Variants in UTP20 observed in about 807,000 individuals in gnomAD.
UTP20 encodes the protein small subunit processome component 20 homolog.
A neutral mutation model predicts 329.5 loss-of-function variants in UTP20; 164 were observed. The ratio of observed to expected loss-of-function variants is 0.50; its 90% CI spans 0.44 to 0.57. The LOEUF (loss-of-function observed/expected upper bound fraction) is 0.57. UTP20 is among the 20% of genes least tolerant of loss of function. The pLI, the probability that UTP20 is intolerant of heterozygous loss-of-function variation, is 0.00. For missense variants in UTP20, 3,055 were observed against 3,284.2 expected (o/e 0.93, Z 1.71); for synonymous variants, 1,151 against 1,159.3 (o/e 0.99, Z 0.14).
At chr12:101,353,770 G>C (rs994529629) in intron 40 of UTP20, among the ~76,000 whole-genome samples, 4 of 152,230 alleles carry the variant, frequency 2.6e-5, no homozygotes, top group Non-Finnish European at 4.4e-5. Flanking sequence ...TGACAAGATT[G>C]ATCTGTAAAA....
At chr12:101,354,570 C>CCCCAATTA (rs1374389977) in intron 40 of UTP20, among the ~76,000 whole-genome samples, 55 of 152,222 alleles carry the variant, frequency 3.6e-4, no homozygotes, top group African/African-American at 1.3e-3. Context: ...CCAGTGTGTT[C>CCCCAATTA]CCCAATTACC....
At position 101,365,513 on chromosome 12, in the gene UTP20, C is replaced by T. The variant is rs143153802; in HGVS notation, c.6013C>T (p.Arg2005Cys). 3.3e-4 allele frequency: 534 copies of T among 1,612,142 alleles called. 2 individuals are homozygous for T. In the African/African-American group the frequency reaches 5.3e-3, roughly 16 times the overall value. ...KLARKVHETLRRITVGLIVNQ... is the reference protein window; with the variant it reads ...KLARKVHETLCRITVGLIVNQ... ...GGCCCGGAAAGTTCATGAAACTTTACGCCGAATCACAGTGGGATTAATTGT... is the reference window on the plus strand; with the variant it reads ...GGCCCGGAAAGTTCATGAAACTTTATGCCGAATCACAGTGGGATTAATTGT... Residue 2005 changes from arginine to cysteine, a missense_variant, in exon 46 of 62, where the codon CGC becomes TGC. Coordinates refer to ENST00000261637, the MANE Select transcript of UTP20 (RefSeq NM_014503.3).
chr12:101,280,424 C>T lies in UTP20; in HGVS notation c.45+97C>T, dbSNP rs1871756633. On this transcript the variant is annotated intron_variant, in intron 1 of 61. Transcript: ENST00000261637. ...ACTCCAGGGGCCTCAGACTTCTGGG[C>T]CGAGTGTGTCACTTTCCTGGAGGCT... 2.1e-6 allele frequency: 3 copies of T among 1,436,352 alleles called. No individual in the cohort carries two copies. The African/African-American group carries it at 4.3e-5, about 20-fold the overall frequency. The allele number at this position is 1,436,352 out of a possible 1,614,324, so 89.0% of individuals were successfully genotyped here. A position where few individuals can be genotyped will look rare whatever the true frequency, so the allele number is the denominator to read the frequency against.
In UTP20 at chr12:101,372,930, G is replaced by A. The variant is rs1390863865; in HGVS notation, c.6845G>A (p.Arg2282Lys). ...ILDYPLGDKLRPNLEFMLAQL... is the reference protein window; with the variant it reads ...ILDYPLGDKLKPNLEFMLAQL... Reference sequence around the variant, plus strand: ...GACTATCCCCTGGGTGACAAATTGAGACCAAACTTGGAATTCATGCTCGCT... The same window carrying A: ...GACTATCCCCTGGGTGACAAATTGAAACCAAACTTGGAATTCATGCTCGCT... Residue 2282 changes from arginine to lysine, a missense_variant, in exon 52 of 62, where the codon AGA becomes AAA. By Grantham distance (26) the Arg-to-Lys change is conservative. Transcript: ENST00000261637. The A allele has an allele frequency of 6.2e-7, 1 of 1,614,114 alleles. No homozygotes were observed. Among genetic ancestry groups the A allele is most frequent in the East Asian group, 2.2e-5 (1 of 44,884 alleles).
At chr12:101,363,807 C>A in intron 45 of UTP20, 64 bp downstream of exon 45, 1 of 1,078,290 alleles carries the variant, frequency 9.3e-7, no homozygotes, top group Non-Finnish European at 1.4e-6. Flanking sequence ...CTAAAAGGAA[C>A]CATGCGGGGC....
intron 36 of UTP20, among the ~76,000 whole-genome samples, chr12:101,345,007 G>C (rs999651899): frequency 7.4e-6 from 1 of 134,538 alleles, no homozygotes; most frequent in East Asian, 2.4e-4. Flanking sequence ...CTACAGTGGC[G>C]TGATCTTGGC....
At chr12:101,342,757 T>G (rs754287568) in intron 33 of UTP20, 30 bp from the exon 34 acceptor site, 2 of 1,603,018 alleles carry the variant, frequency 1.2e-6, no homozygotes, top group Admixed American at 1.7e-5. Flanking sequence ...TTTTATTCAC[T>G]GATAAATACA....
chr12:101,370,712 A>G (rs1870256728), intron 50 of UTP20, 149 bp downstream of exon 50: 1 of 851,048 alleles, frequency 1.2e-6, no homozygotes, highest in Admixed American at 3.1e-5. Flanking sequence ...GGTCAATTAC[A>G]GGTGAACATT....
chr12:101,374,248 A>T (rs551011794), intron 54 of UTP20, among the ~76,000 whole-genome samples: 47 of 152,106 alleles, frequency 3.1e-4, no homozygotes, highest in Admixed American at 8.5e-4. Context: ...AAAAAAAAAA[A>T]TAAATAAAAA....
rs775468260 is a variant in UTP20, at chr12:101,302,472, C to T, written c.1700C>T (p.Ala567Val). 12 of 1,608,106 alleles carry T rather than the reference C, an allele frequency of 7.5e-6. No homozygotes were observed. Among genetic ancestry groups the T allele is most frequent in the East Asian group, 4.5e-5 (2 of 44,726 alleles). Residue 567 changes from alanine to valine, a missense_variant, in exon 15 of 62, where the codon GCT becomes GTT. Around this residue, in one of 3 missense-constraint regions of UTP20, gnomAD observed 2,445 missense variants for 2,575.5 expected, o/e 0.95. Transcript: ENST00000261637. ...GGAAACTTATTTGTTCTTTGTCAAGCTGTAAATACTCTACTAAGTTTGGAA... is the reference window on the plus strand; with the variant it reads ...GGAAACTTATTTGTTCTTTGTCAAGTTGTAAATACTCTACTAAGTTTGGAA... ...GKGNLFVLCQ[A>V]VNTLLSLEES... is the part of the protein sequence containing the mutation.
chr12:101,296,932 A>G (rs145166143), intron 12 of UTP20, among the ~76,000 whole-genome samples: 2 of 152,300 alleles, frequency 1.3e-5, no homozygotes, highest in African/African-American at 2.4e-5. Flanking sequence ...TTAAGTGGGT[A>G]TGCTTCTAGA....
In UTP20 at chr12:101,321,502, A is replaced by C. The variant is rs777442181; in HGVS notation, c.2916-2A>C. 2 of 1,612,494 alleles carry C rather than the reference A, an allele frequency of 1.2e-6. No homozygotes were observed. The highest frequency in any genetic ancestry group is 1.7e-6 in the Non-Finnish European group (2 of 1,179,150). On this transcript the variant is annotated splice_acceptor_variant, in intron 24 of 61. Transcript: ENST00000261637. LOFTEE classifies it high-confidence loss of function. ...GATTTGTGCTGTTCTCTGTTTTTAA[A>C]GGGAAAACTTACAAAGGTTGCTTGA...
chr12:101,367,215 T>C (rs1870125027), intron 47 of UTP20, among the ~76,000 whole-genome samples: 1 of 151,914 alleles, frequency 6.6e-6, no homozygotes, highest in Non-Finnish European at 1.5e-5. Flanking sequence ...AGCCCAGGAG[T>C]TTGAGGCTGC....
At chr12:101,306,595 A>ATT (rs534803702) in intron 16 of UTP20, 104 bp from the exon 17 acceptor site, 3 of 1,010,094 alleles carry the variant, frequency 3.0e-6, no homozygotes, top group Non-Finnish European at 4.3e-6. Flanking sequence ...GTCAAATGGT[A>ATT]TTTTTTTTTT....
intron 14 of UTP20, among the ~76,000 whole-genome samples, chr12:101,300,679 A>G (rs79564080): frequency 6.6e-6 from 1 of 152,312 alleles, no homozygotes; most frequent in African/African-American, 2.4e-5. Flanking sequence ...CAGTTATTTA[A>G]TATTTTGTTT....
At chr12:101,368,924 C>G (rs1870188613) in intron 48 of UTP20, among the ~76,000 whole-genome samples, 1 of 151,668 alleles carries the variant, frequency 6.6e-6, no homozygotes, top group Non-Finnish European at 1.5e-5. Context: ...CTGAAGAGTT[C>G]TCAGCAGCCA....
intron 25 of UTP20, among the ~76,000 whole-genome samples, chr12:101,324,324 A>G (rs906149857): frequency 6.6e-6 from 1 of 151,798 alleles, no homozygotes; most frequent in South Asian, 2.1e-4. Context: ...TGCAGCCTCG[A>G]TCTCTTGGGC....
chr12:101,379,139 T>C (rs112274844), intron 56 of UTP20, among the ~76,000 whole-genome samples: 252 of 152,346 alleles, frequency 1.7e-3, no homozygotes, highest in African/African-American at 5.6e-3. Flanking sequence ...ACTATAGTCA[T>C]CCTACTGTGC....
At chr12:101,306,605 TA>T in intron 16 of UTP20, 93 bp from the exon 17 acceptor site, 1 of 1,172,284 alleles carries the variant, frequency 8.5e-7, no homozygotes, top group South Asian at 1.5e-5. Flanking sequence ...ATTTTTTTTT[TA>T]AATTGTATAA....
Sources: gnomAD v4.1 joint callset for allele counts (sites outside exome capture counted in the v4.1 genomes callset) on GRCh38, gnomAD v4.1.1 for gene constraint, gnomAD v4.1.1 regional missense constraint, MANE v1.5 for transcripts, NCBI Gene and HGNC (gene_info 2026-07-23, HGNC 2026-07-21) for gene names.